The following RUNX2 variants were observed in gnomAD, a reference collection of about 807,000 sequenced individuals.
RUNX2 encodes the protein runt-related transcription factor 2.
RUNX2 carries 10 observed loss-of-function variants against 51.7 expected under a neutral mutation model. The ratio of observed to expected loss-of-function variants is 0.19; its 90% CI spans 0.12 to 0.33. The LOEUF (loss-of-function observed/expected upper bound fraction) is 0.33, where lower values mean the gene tolerates loss of function less well. Ranked by LOEUF, RUNX2 falls within the 10% of genes least tolerant of loss-of-function variation. The pLI is 1.00. For synonymous variants in RUNX2, 276 were observed against 273.6 expected, an observed-to-expected ratio of 1.01 and a Z score of -0.09; for missense variants, 562 against 691.3, an observed-to-expected ratio of 0.81 and a Z score of 2.10.
intron 4 of RUNX2, among the ~76,000 whole-genome samples, chr6:45,434,802 TAAA>T (rs1251145704): frequency 6.6e-6 from 1 of 152,188 alleles, no homozygotes; most frequent in Non-Finnish European, 1.5e-5. Context: ...GCCTACATTT[TAAA>T]ATAACAGGCT....
At chr6:45,433,248 C>T (rs1798593487) in intron 4 of RUNX2, among the ~76,000 whole-genome samples, 1 of 152,154 alleles carries the variant, frequency 6.6e-6, no homozygotes, top group South Asian at 2.1e-4. Context: ...GGAGTTATCT[C>T]TGCATCAGGT....
At chr6:45,482,826 A>T (rs1800152590) in intron 5 of RUNX2, among the ~76,000 whole-genome samples, 1 of 152,098 alleles carries the variant, frequency 6.6e-6, no homozygotes, top group Admixed American at 6.5e-5. Context: ...AAGGCTTTAG[A>T]CCTGTCTTGG....
At chr6:45,439,925 A>G (rs925579612) in intron 5 of RUNX2, among the ~76,000 whole-genome samples, 1 of 152,254 alleles carries the variant, frequency 6.6e-6, no homozygotes, top group African/African-American at 2.4e-5. Context: ...TTATAAAGGC[A>G]GAGAATTGCC....
chr6:45,335,387 C>T (rs938623875), intron 2 of RUNX2, among the ~76,000 whole-genome samples: 1 of 151,084 alleles, frequency 6.6e-6, no homozygotes, highest in African/African-American at 2.4e-5. Context: ...AACATGTCAA[C>T]CTACTGCTGT....
chr6:45,339,172 G>C (rs570876739), intron 2 of RUNX2, among the ~76,000 whole-genome samples: 16 of 152,018 alleles, frequency 1.1e-4, no homozygotes, highest in Non-Finnish European at 1.0e-4. Flanking sequence ...TAAGAAAAAA[G>C]GGATTGAAAG....
intron 5 of RUNX2, among the ~76,000 whole-genome samples, chr6:45,465,648 G>GTT (rs1240639791): frequency 7.0e-6 from 1 of 141,958 alleles, no homozygotes. Context: ...TTTCTTTTTG[G>GTT]TTTTTTTTTT....
At chr6:45,334,515 G>C (rs1788160911) in intron 2 of RUNX2, among the ~76,000 whole-genome samples, 1 of 144,650 alleles carries the variant, frequency 6.9e-6, no homozygotes, top group African/African-American at 2.5e-5. Context: ...TCATCAATAA[G>C]GTTTGAATAC....
chr6:45,421,252 C>G (rs1409392026), intron 2 of RUNX2: 2 of 152,166 alleles, frequency 1.3e-5, no homozygotes, highest in Non-Finnish European at 2.9e-5. Context: ...ACAAAGCTGA[C>G]AGTTTTTCAG....
chr6:45,371,326 T>C (rs1003244241), intron 2 of RUNX2, among the ~76,000 whole-genome samples: 4 of 152,056 alleles, frequency 2.6e-5, no homozygotes, highest in African/African-American at 9.7e-5. Context: ...ACTGGGGGAT[T>C]TACTGTAGGC....
At chr6:45,348,335 T>G (rs1791306293) in intron 2 of RUNX2, among the ~76,000 whole-genome samples, 3 of 151,914 alleles carry the variant, frequency 2.0e-5, no homozygotes, top group Middle Eastern at 3.4e-3. Flanking sequence ...AAAAATTCTC[T>G]ACCATTAGTT....
chr6:45,514,589 G>T (rs1801262364), intron 7 of RUNX2, among the ~76,000 whole-genome samples: 1 of 152,156 alleles, frequency 6.6e-6, no homozygotes, highest in African/African-American at 2.4e-5. Flanking sequence ...AATCCCTCTT[G>T]TCAGCATGTA....
At chr6:45,478,358 C>T (rs1010750936) in intron 5 of RUNX2, among the ~76,000 whole-genome samples, 23 of 152,110 alleles carry the variant, frequency 1.5e-4, no homozygotes, top group Non-Finnish European at 2.6e-4. Flanking sequence ...ACATTTTCAC[C>T]TCTTATTACA....
At chr6:45,342,482 ATCT>A (rs1790000662) in intron 2 of RUNX2, among the ~76,000 whole-genome samples, 1 of 152,094 alleles carries the variant, frequency 6.6e-6, no homozygotes. Flanking sequence ...GATGGTCTCG[ATCT>A]TCTGACCTCG....
chr6:45,384,860 C>T (rs1403642130), intron 2 of RUNX2, among the ~76,000 whole-genome samples: 2 of 151,428 alleles, frequency 1.3e-5, no homozygotes, highest in East Asian at 3.9e-4. Context: ...ACCACCATAC[C>T]CTGTTAATTT....
intron 7 of RUNX2, among the ~76,000 whole-genome samples, chr6:45,516,674 A>G (rs1801333641): frequency 2.0e-5 from 3 of 152,380 alleles, no homozygotes; most frequent in Admixed American, 2.0e-4. Context: ...GTAAGGTGTG[A>G]CAAGGCAAGC....
chr6:45,506,531 A>G (rs892172286), intron 6 of RUNX2, among the ~76,000 whole-genome samples: 2 of 152,190 alleles, frequency 1.3e-5, no homozygotes, highest in African/African-American at 4.8e-5. Flanking sequence ...AAACATGTCA[A>G]TTTGTTGAAT....
intron 2 of RUNX2, among the ~76,000 whole-genome samples, chr6:45,367,812 T>C (rs937959206): frequency 3.3e-5 from 5 of 152,206 alleles, no homozygotes; most frequent in Admixed American, 1.3e-4. Context: ...CCTAGTTTAT[T>C]ATAACCATGA....
chr6:45,355,341 T>C (rs1792949620), intron 2 of RUNX2, among the ~76,000 whole-genome samples: 2 of 152,050 alleles, frequency 1.3e-5, no homozygotes, highest in South Asian at 2.1e-4. Context: ...ATTTTTTCCT[T>C]TTCAGAAAAT....
chr6:45,501,728 ATTC>A (rs545774593), intron 6 of RUNX2, among the ~76,000 whole-genome samples: 1 of 152,174 alleles, frequency 6.6e-6, no homozygotes, highest in Non-Finnish European at 1.5e-5. Context: ...TGCTTTAGTA[ATTC>A]TAGGAGACAG....
Sources: gnomAD v4.1 joint callset for allele counts (sites outside exome capture counted in the v4.1 genomes callset) on GRCh38, gnomAD v4.1.1 for gene constraint, MANE v1.5 for transcripts, NCBI Gene and HGNC (gene_info 2026-07-23, HGNC 2026-07-21) for gene names.